Variants in LAMA2 observed in about 807,000 individuals in gnomAD.
The protein encoded by LAMA2 is laminin subunit alpha-2.
In LAMA2, 269 loss-of-function variants were observed where a neutral mutation model predicts 364.8. The observed-to-expected ratio is 0.74, with a 90% CI of 0.67 to 0.82. The LOEUF (loss-of-function observed/expected upper bound fraction) is 0.82, where lower values mean the gene tolerates loss of function less well. Ranked by LOEUF, LAMA2 falls within the 40% of genes least tolerant of loss-of-function variation. The pLI, the probability that LAMA2 is intolerant of heterozygous loss-of-function variation, is 0.00. For missense variants in LAMA2, 3,807 were observed against 3,873.2 expected (o/e 0.98, Z 0.45); for synonymous variants, 1,379 against 1,370.6 (o/e 1.01, Z -0.14).
chr6:129,192,338 G>C (rs1402312548), intron 11 of LAMA2, among the ~76,000 whole-genome samples: 1 of 152,200 alleles, frequency 6.6e-6, no homozygotes, highest in Non-Finnish European at 1.5e-5. Context: ...TTAAGTGTAT[G>C]TTATAACCAT....
intron 1 of LAMA2, among the ~76,000 whole-genome samples, chr6:128,883,797 T>TACACAC (rs1445558389): frequency 2.2e-5 from 3 of 133,708 alleles, no homozygotes; most frequent in African/African-American, 6.4e-5. Context: ...TATATATATA[T>TACACAC]ATATACACAC....
chr6:129,151,923 A>G (rs1778826638), intron 7 of LAMA2, among the ~76,000 whole-genome samples: 2 of 152,154 alleles, frequency 1.3e-5, no homozygotes, highest in African/African-American at 4.8e-5. Context: ...AAGATATAAA[A>G]CTGCTTACAA....
intron 12 of LAMA2, among the ~76,000 whole-genome samples, chr6:129,223,129 C>A (rs1405951508): frequency 6.6e-6 from 1 of 152,188 alleles, no homozygotes; most frequent in Admixed American, 6.5e-5. Flanking sequence ...CTGCTGGCTG[C>A]ATCAGTGTCT....
chr6:129,341,636 C>G (rs1368283254), intron 29 of LAMA2, among the ~76,000 whole-genome samples: 1 of 152,128 alleles, frequency 6.6e-6, no homozygotes, highest in Non-Finnish European at 1.5e-5. Context: ...CCATGTAGCT[C>G]TTCCTAACTC....
chr6:129,344,908 G>C (rs887198559), intron 30 of LAMA2, among the ~76,000 whole-genome samples: 1 of 152,166 alleles, frequency 6.6e-6, no homozygotes, highest in Non-Finnish European at 1.5e-5. Context: ...CACTGGCTTC[G>C]GAGAAAAGAA....
chr6:129,247,102 C>T (rs1328108351), intron 12 of LAMA2, among the ~76,000 whole-genome samples: 1 of 151,998 alleles, frequency 6.6e-6, no homozygotes, highest in African/African-American at 2.4e-5. Flanking sequence ...AGTTAATATT[C>T]CTAGGGGTGC....
intron 1 of LAMA2, among the ~76,000 whole-genome samples, chr6:128,926,949 A>G (rs997018566): frequency 2.6e-5 from 4 of 152,212 alleles, no homozygotes; most frequent in Non-Finnish European, 4.4e-5. Flanking sequence ...ATTAAGGTTG[A>G]CATCCAGTTT....
intron 1 of LAMA2, among the ~76,000 whole-genome samples, chr6:128,890,624 T>C (rs1450706206): frequency 1.3e-5 from 2 of 151,982 alleles, no homozygotes; most frequent in African/African-American, 4.8e-5. Context: ...AAACTATGCA[T>C]TAATTCAAAT....
At chr6:129,276,779 CT>C (rs528096811) in intron 17 of LAMA2, among the ~76,000 whole-genome samples, 3 of 151,844 alleles carry the variant, frequency 2.0e-5, no homozygotes, top group Admixed American at 6.6e-5. Context: ...TTAAGTTTAT[CT>C]TTTTTTTAGT....
At chr6:129,291,939 A>G (rs896801330) in intron 20 of LAMA2, among the ~76,000 whole-genome samples, 8 of 152,328 alleles carry the variant, frequency 5.3e-5, no homozygotes, top group Admixed American at 2.0e-4. Flanking sequence ...TTGGCAGTGA[A>G]TGTGTATTAT....
rs1197866179 is a variant in LAMA2 at position 129,261,594 on chromosome 6, T to G, written c.2208+772T>G. ...GGCTAGCAGATAAATAGGAGCTTAG[T>G]TTCTTTAAAATGGTGCCTTTAAGGA... On this transcript the variant is annotated intron_variant, in intron 15 of 64. Coordinates refer to ENST00000421865, the MANE Select transcript of LAMA2 (RefSeq NM_000426.4). Among the ~76,000 whole-genome samples, 3 of 152,242 alleles carry G rather than the reference T, an allele frequency of 2.0e-5. No homozygotes were observed. In the East Asian group the frequency reaches 5.8e-4, roughly 29 times the overall value.
At chr6:128,964,102 T>A (rs1781701753) in intron 1 of LAMA2, among the ~76,000 whole-genome samples, 1 of 152,026 alleles carries the variant, frequency 6.6e-6, no homozygotes, top group Admixed American at 6.6e-5. Context: ...AGAGAAATCA[T>A]TAAAGCCTGG....
At chr6:129,416,278 C>T (rs528029733) in intron 40 of LAMA2, among the ~76,000 whole-genome samples, 1 of 152,274 alleles carries the variant, frequency 6.6e-6, no homozygotes, top group East Asian at 1.9e-4. Context: ...CTTTTTACTC[C>T]GTCATAGTTT....
At position 129,335,026 on chromosome 6, in the gene LAMA2, T is replaced by C. The variant is rs555591398; in HGVS notation, c.4311+6614T>C. On this transcript the variant is annotated intron_variant, in intron 29 of 64. Coordinates refer to ENST00000421865, the MANE Select transcript of LAMA2 (RefSeq NM_000426.4). ...TGGGCACTCACTTATCTTGTTTTTC[T>C]TTATCTTCACACCTTTCCCTGAAAA... Among the ~76,000 whole-genome samples the C allele has an allele frequency of 9.8e-5, 15 of 152,310 alleles. No homozygotes were observed. The South Asian group carries it at 1.2e-3, about 13-fold the overall frequency.
chr6:129,514,237 C>T (rs1201037615), intron 63 of LAMA2, 136 bp from the exon 64 acceptor site: 24 of 728,848 alleles, frequency 3.3e-5, no homozygotes, highest in Non-Finnish European at 5.6e-5. Flanking sequence ...AAATTTTTTT[C>T]AATATGCCCA....
At chr6:128,929,712 A>AAGGTC in intron 1 of LAMA2, 1 of 1,394,168 alleles carries the variant, frequency 7.2e-7, no homozygotes, top group East Asian at 2.3e-5. Context: ...ATGAAACCTC[A>AAGGTC]AGGTCAGACC....
intron 22 of LAMA2, among the ~76,000 whole-genome samples, chr6:129,306,773 C>T (rs1395424676): frequency 6.6e-6 from 1 of 151,854 alleles, no homozygotes; most frequent in African/African-American, 2.4e-5. Flanking sequence ...TTATTTTAAA[C>T]ATTGTATTTT....
At position 129,369,940 on chromosome 6, in the gene LAMA2, G is replaced by A. The variant is rs138303386; in HGVS notation, c.4909G>A (p.Glu1637Lys). The change falls in exon 34 of 65, where the codon GAG becomes AAG. Residue 1637 changes from glutamate to lysine, a missense_variant. Coordinates refer to ENST00000421865, the MANE Select transcript of LAMA2 (RefSeq NM_000426.4). ...CCCAGAGAGGCTTATTCAGCTGGCA[G>A]AGGGCAATCTGAATACACTCGTGAC... The part of the protein sequence containing the change: ...RAPERLIQLA[E>K]GNLNTLVTEM... The A allele has an allele frequency of 6.4e-5, 104 of 1,614,158 alleles. No individual in the cohort carries two copies. In the African/African-American group the frequency reaches 1.1e-3, roughly 17 times the overall value.
intron 4 of LAMA2, among the ~76,000 whole-genome samples, chr6:129,129,939 A>AT (rs530961482): frequency 6.7e-6 from 1 of 148,860 alleles, no homozygotes; most frequent in Non-Finnish European, 1.5e-5. Flanking sequence ...AAAAAAAAAA[A>AT]AAAATAACAT....
Sources: gnomAD v4.1 joint callset for allele counts (sites outside exome capture counted in the v4.1 genomes callset) on GRCh38, gnomAD v4.1.1 for gene constraint, MANE v1.5 for transcripts, NCBI Gene and HGNC (gene_info 2026-07-23, HGNC 2026-07-21) for gene names.